KMT2C: variants seen among roughly 807,000 people sequenced by gnomAD.
KMT2C encodes the protein lysine methyltransferase 2C, also known as histone-lysine N-methyltransferase 2C.
In KMT2C, 88 loss-of-function variants were observed where a neutral mutation model predicts 507.9. The ratio of observed to expected loss-of-function variants is 0.17; its 90% CI spans 0.15 to 0.21. The LOEUF (loss-of-function observed/expected upper bound fraction) is 0.21. KMT2C is among the 10% of genes least tolerant of loss of function. The pLI is 1.00. For synonymous variants in KMT2C, 2,049 were observed against 2,080.8 expected (o/e 0.98, Z 0.42); for missense variants, 4,954 against 5,957.8 (o/e 0.83, Z 5.55).
intron 33 of KMT2C, 23 bp downstream of exon 33, chr7:152,187,237 CAG>C: frequency 6.4e-7 from 1 of 1,570,522 alleles, no homozygotes; most frequent in African/African-American, 1.4e-5. Flanking sequence ...GTTGGTAAAA[CAG>C]AAATAATATA....
intron 6 of KMT2C, among the ~76,000 whole-genome samples, chr7:152,291,987 T>C (rs2096434081): frequency 6.6e-6 from 1 of 152,228 alleles, no homozygotes; most frequent in East Asian, 1.9e-4. Context: ...ATTTCCATTT[T>C]TTGTTTTTGA....
intron 23 of KMT2C, 74 bp from the exon 24 acceptor site, chr7:152,207,502 A>G (rs2129138760): frequency 7.3e-7 from 1 of 1,374,306 alleles, no homozygotes; most frequent in Non-Finnish European, 1.0e-6. Flanking sequence ...ATGGGGAATA[A>G]AAAGTAGGGT....
chr7:152,227,098 C>A (rs540501573), intron 18 of KMT2C, among the ~76,000 whole-genome samples: 1 of 152,328 alleles, frequency 6.6e-6, no homozygotes, highest in East Asian at 1.9e-4. Context: ...GGTCTCTACA[C>A]CCACATCCAC....
At chr7:152,186,016 C>T (rs1488876323) in intron 33 of KMT2C, among the ~76,000 whole-genome samples, 1 of 152,122 alleles carries the variant, frequency 6.6e-6, no homozygotes, top group East Asian at 1.9e-4. Context: ...CAGAAGTAAA[C>T]AAAGTCATAA....
rs2091851251 is a variant in KMT2C, at chr7:152,153,900, C to A, written c.12276+110G>T. On this transcript the variant is annotated intron_variant, in intron 48 of 58. Transcript: ENST00000262189. ...AGTGAGCATCAGCTCTGCTCTCTGA[C>A]CCTTTATCCTCAGTGATCCTGTTTG... The A allele has an allele frequency of 3.8e-5, 42 of 1,106,926 alleles. 1 individual carries two copies. The South Asian group carries it at 5.9e-4, about 16-fold the overall frequency. The allele number at this position is 1,106,926 out of a possible 1,614,324, so 68.6% of individuals were successfully genotyped here.
intron 1 of KMT2C, among the ~76,000 whole-genome samples, chr7:152,425,019 T>C (rs1043573039): frequency 2.0e-5 from 3 of 152,174 alleles, no homozygotes; most frequent in Non-Finnish European, 4.4e-5. Context: ...GTCACAGGGC[T>C]AGGCGAGATA....
intron 1 of KMT2C, among the ~76,000 whole-genome samples, chr7:152,423,020 A>G (rs1410329108): frequency 6.6e-6 from 1 of 150,870 alleles, no homozygotes; most frequent in Admixed American, 6.6e-5. Context: ...CTCATCTCAA[A>G]AAAAAAAAAA....
intron 15 of KMT2C, among the ~76,000 whole-genome samples, chr7:152,237,333 G>A (rs1434759510): frequency 1.3e-5 from 2 of 151,508 alleles, no homozygotes; most frequent in African/African-American, 4.9e-5. Flanking sequence ...GGAACGGGAG[G>A]AATGGCTTTT....
chr7:152,290,288 A>G (rs1317362017), intron 6 of KMT2C, among the ~76,000 whole-genome samples: 1 of 31,972 alleles, frequency 3.1e-5, no homozygotes, highest in Non-Finnish European at 5.3e-5. Flanking sequence ...ATATATATAT[A>G]TATATATTTT....
chr7:152,141,571 G>A (rs1469161712), intron 55 of KMT2C, among the ~76,000 whole-genome samples: 2 of 151,042 alleles, frequency 1.3e-5, no homozygotes, highest in African/African-American at 4.9e-5. Flanking sequence ...AAATTAGCCG[G>A]GCATGGTAGT....
Position 152,152,707 on chromosome 7 carries a change from T to C in KMT2C, c.12524A>G (p.Asn4175Ser), listed in dbSNP as rs759300202. The change falls in exon 49 of 59, where the codon AAT (asparagine) becomes AGT (serine). Residue 4175 changes from asparagine (N) to serine (S), a missense_variant and splice_region_variant. By Grantham distance (46) the Asn-to-Ser change is conservative. This residue lies in a region of KMT2C where 417 missense variants were observed against 461.1 expected (regional missense o/e 0.90). Coordinates refer to ENST00000262189, the MANE Select transcript of KMT2C (RefSeq NM_170606.3). The stretch of plus-strand genomic sequence containing the variant: ...TAACAAAAAGCTCACTAGCTCACCA[T>C]TGCTTGTTGGAGGAAATGGTACATT... The part of the protein sequence containing the change: ...QPNVPFPPTS[N>S]GLSGYKDSSH... 1.7e-5 allele frequency: 27 copies of C among 1,613,816 alleles called. No homozygotes were observed. In the South Asian group the frequency reaches 2.4e-4, roughly 14 times the overall value.
At chr7:152,176,146 C>A (rs2129112458) in intron 38 of KMT2C, 45 bp downstream of exon 38, 1 of 1,508,460 alleles carries the variant, frequency 6.6e-7, no homozygotes, top group Non-Finnish European at 8.9e-7. Context: ...GCATGCCACT[C>A]TAATACCCAT....
intron 1 of KMT2C, among the ~76,000 whole-genome samples, chr7:152,389,241 G>A (rs2097465202): frequency 6.6e-6 from 1 of 151,452 alleles, no homozygotes; most frequent in African/African-American, 2.4e-5. Flanking sequence ...TCTGGAGACT[G>A]GAAGTCCCAG....
intron 1 of KMT2C, among the ~76,000 whole-genome samples, chr7:152,415,960 CTGT>C (rs1383909404): frequency 6.6e-6 from 1 of 151,676 alleles, no homozygotes; most frequent in Non-Finnish European, 1.5e-5. Context: ...TACTTTTTTT[CTGT>C]TGTTAAGATA....
chr7:152,195,270 G>A (rs1476258483), intron 28 of KMT2C, among the ~76,000 whole-genome samples: 3 of 151,924 alleles, frequency 2.0e-5, no homozygotes, highest in Admixed American at 6.6e-5. Flanking sequence ...CGACATTTAG[G>A]TAATATTGTA....
chr7:152,324,687 T>C (rs2096809348), intron 3 of KMT2C, among the ~76,000 whole-genome samples: 1 of 151,970 alleles, frequency 6.6e-6, no homozygotes, highest in South Asian at 2.1e-4. Context: ...ACCCATGTAA[T>C]TTTATGACAG....
chr7:152,139,651 CA>C, intron 56 of KMT2C, 23 bp downstream of exon 56: 1 of 1,474,858 alleles, frequency 6.8e-7, no homozygotes. Flanking sequence ...GCTGTGTATA[CA>C]ATCTCGGGGA....
chr7:152,214,915 T>C (rs1443562015), intron 23 of KMT2C, among the ~76,000 whole-genome samples: 1 of 152,092 alleles, frequency 6.6e-6, no homozygotes, highest in Non-Finnish European at 1.5e-5. Flanking sequence ...CCACAGTTAA[T>C]AATATTGTAA....
At position 152,213,960 on chromosome 7, in the gene KMT2C, A is replaced by G. The variant is rs182947083; in HGVS notation, c.3713-6532T>C. ...AAAGTCACACAAATGGTCAAATGGT[A>G]TATGAAAAGATGCTCAACATCATAA... is the stretch of plus-strand genomic sequence containing the variant. On this transcript the variant is annotated intron_variant, in intron 23 of 58. Transcript: ENST00000262189. Among the ~76,000 whole-genome samples, 10 of 152,300 alleles carry G rather than the reference A, an allele frequency of 6.6e-5. No homozygotes were observed. In the East Asian group the frequency reaches 1.7e-3, roughly 26 times the overall value.
Sources: gnomAD v4.1 joint callset for allele counts (sites outside exome capture counted in the v4.1 genomes callset) on GRCh38, gnomAD v4.1.1 for gene constraint, gnomAD v4.1.1 regional missense constraint, MANE v1.5 for transcripts, NCBI Gene and HGNC (gene_info 2026-07-23, HGNC 2026-07-21) for gene names.